SPEN: variants seen among roughly 807,000 people sequenced by gnomAD.
SPEN encodes spen family transcriptional repressor.
A neutral mutation model predicts 269.9 loss-of-function variants in SPEN; 18 were observed. That is an observed-to-expected ratio of 0.07 (90% CI 0.05 to 0.10). The LOEUF (loss-of-function observed/expected upper bound fraction) is 0.10. Ranked by LOEUF, SPEN falls within the 10% of genes least tolerant of loss-of-function variation. The pLI is 1.00. For missense variants in SPEN, 3,822 were observed against 4,631.2 expected, an observed-to-expected ratio of 0.83 and a Z score of 5.07; for synonymous variants, 1,726 against 1,765.7, an observed-to-expected ratio of 0.98 and a Z score of 0.56.
chr1:15,874,233 G>A (rs1190532204), intron 2 of SPEN: 1 of 1,366,374 alleles, frequency 7.3e-7, no homozygotes, highest in African/African-American at 1.5e-5. Flanking sequence ...TGGTCACTAA[G>A]ATTTTTTTTT....
At chr1:15,870,696 C>T (rs1462899581) in intron 1 of SPEN, among the ~76,000 whole-genome samples, 5 of 152,168 alleles carry the variant, frequency 3.3e-5, no homozygotes, top group Non-Finnish European at 7.4e-5. Flanking sequence ...TAAAATTAAT[C>T]ATTGCATTCC....
At chr1:15,861,166 T>G (rs939107967) in intron 1 of SPEN, among the ~76,000 whole-genome samples, 1 of 149,662 alleles carries the variant, frequency 6.7e-6, no homozygotes, top group African/African-American at 2.5e-5. Flanking sequence ...GGAATCTCAC[T>G]CTGTCACCTA....
At chr1:15,901,884 C>T (rs992101647) in intron 3 of SPEN, among the ~76,000 whole-genome samples, 35 of 148,318 alleles carry the variant, frequency 2.4e-4, no homozygotes, top group Non-Finnish European at 2.4e-4. Flanking sequence ...GTGAGAATGA[C>T]GTTTTATTTT....
Position 15,848,165 on chromosome 1 carries a change from GC to G in SPEN, c.83+18del. ...CATTTCAAACGGTGAGTGACACGAG[GC>G]CCGCGGCCGCGCTCGCTCCTCGGGC... On this transcript the variant is annotated intron_variant, in intron 1 of 14. Transcript: ENST00000375759. This position sits in a 1 kb window ranked among gnomAD's most constrained non-coding sequence, Gnocchi z 5.1. 1 of 1,444,070 alleles carries G rather than the reference GC, an allele frequency of 6.9e-7. No individual in the cohort carries two copies. The highest frequency in any genetic ancestry group is 9.2e-7 in the Non-Finnish European group (1 of 1,083,060). The allele number at this position is 1,444,070 out of a possible 1,614,324, so 89.5% of individuals were successfully genotyped here.
intron 6 of SPEN, among the ~76,000 whole-genome samples, chr1:15,917,415 G>GTT (rs952633093): frequency 5.2e-4 from 79 of 152,206 alleles, no homozygotes; most frequent in African/African-American, 1.7e-3. Flanking sequence ...TTTAGACAGA[G>GTT]TTTCACTCTT....
At chr1:15,888,175 C>G (rs1201327542) in intron 3 of SPEN, among the ~76,000 whole-genome samples, 1 of 150,958 alleles carries the variant, frequency 6.6e-6, no homozygotes, top group Non-Finnish European at 1.5e-5. Context: ...GTGGTGCTGT[C>G]TCAGCTCACT....
At chr1:15,909,567 C>T in intron 4 of SPEN, 86 bp downstream of exon 4, 1 of 1,329,710 alleles carries the variant, frequency 7.5e-7, no homozygotes, top group Non-Finnish European at 1.0e-6. Flanking sequence ...TAACTTTGGG[C>T]ATAAAATTAT....
rs1259371284 is a variant in SPEN at position 15,934,610 on chromosome 1, G to T, written c.8370G>T (p.Met2790Ile). ...NENSRFHPGS[M>I]PVIDDRPADA... ...ACAGTCGGTTCCACCCAGGGTCCATGCCTGTGATCGACGATCGTCCGGCAG... is the reference window on the plus strand; with the variant it reads ...ACAGTCGGTTCCACCCAGGGTCCATTCCTGTGATCGACGATCGTCCGGCAG... The change falls in exon 11 of 15, where the codon ATG becomes ATT. Residue 2790 changes from methionine to isoleucine, a missense_variant. Around this residue, in one of 16 missense-constraint regions of SPEN, gnomAD observed 329 missense variants for 431.2 expected, o/e 0.76. Coordinates refer to ENST00000375759, the MANE Select transcript of SPEN (RefSeq NM_015001.3). This position sits in a 1 kb window ranked among gnomAD's most constrained non-coding sequence, Gnocchi z 9.2. The T allele has an allele frequency of 1.2e-5, 19 of 1,613,880 alleles. No homozygotes were observed. Among genetic ancestry groups the T allele is most frequent in the Non-Finnish European group, 1.4e-5 (17 of 1,179,886 alleles).
In SPEN at chr1:15,932,127, G is replaced by A; in HGVS notation, c.5887G>A (p.Glu1963Lys). 2 of 1,613,802 alleles carry A rather than the reference G, an allele frequency of 1.2e-6. No individual in the cohort carries two copies. Among genetic ancestry groups the A allele is most frequent in the Non-Finnish European group, 1.7e-6 (2 of 1,179,970 alleles). Residue 1963 changes from glutamate (E) to lysine (K), a missense_variant, in exon 11 of 15, where the codon GAG becomes AAG. Physicochemically the swap from Glu to Lys is moderately conservative, Grantham distance 56 (BLOSUM62 1). Coordinates refer to ENST00000375759, the MANE Select transcript of SPEN (RefSeq NM_015001.3). This position sits in a 1 kb window ranked among gnomAD's most constrained non-coding sequence, Gnocchi z 4.2. The part of the protein sequence containing the change: ...PPKTRRRADE[E>K]EENEAKEPAE... ...AAAGACACGCCGGCGAGCCGATGAA[G>A]AGGAGGAGAACGAGGCCAAGGAACC...
Position 15,934,356 on chromosome 1 carries a change from G to A in SPEN, c.8116G>A (p.Val2706Ile), listed in dbSNP as rs1313350831. 16 of 1,613,498 alleles carry A rather than the reference G, an allele frequency of 9.9e-6. No individual in the cohort carries two copies. The highest frequency in any genetic ancestry group is 8.3e-5 in the Admixed American group (5 of 60,010). The change falls in exon 11 of 15, where the codon GTT becomes ATT. Residue 2706 changes from valine (V) to isoleucine (I), a missense_variant. Physicochemically the swap from Val to Ile is conservative, Grantham distance 29. This residue lies in a region of SPEN where 329 missense variants were observed against 431.2 expected (regional missense o/e 0.76). Coordinates refer to ENST00000375759, the MANE Select transcript of SPEN (RefSeq NM_015001.3). This position sits in a 1 kb window ranked among gnomAD's most constrained non-coding sequence, Gnocchi z 9.2. ...PVNVLTGPVN[V>I]LTTPVNATVG... ...GAATGTTCTTACGGGGCCAGTGAAT[G>A]TTCTCACCACTCCAGTGAACGCCAC...
rs536262307 is a variant in SPEN at position 15,874,444 on chromosome 1, C to T, written c.404+1308C>T. ...TATTAGCCCCTCTCCTAACCCAAGTCAAACTCTCTTTTTTTCCCCACTAAC... is the reference window on the plus strand; with the variant it reads ...TATTAGCCCCTCTCCTAACCCAAGTTAAACTCTCTTTTTTTCCCCACTAAC... On this transcript the variant is annotated intron_variant, in intron 2 of 14. Coordinates refer to ENST00000375759, the MANE Select transcript of SPEN (RefSeq NM_015001.3). The T allele has an allele frequency of 1.4e-5, 18 of 1,275,906 alleles. No individual in the cohort carries two copies. The South Asian group carries it at 2.0e-4, about 14-fold the overall frequency. The allele number at this position is 1,275,906 out of a possible 1,614,324, so 79.0% of individuals were successfully genotyped here. A position where few individuals can be genotyped will look rare whatever the true frequency, so the allele number is the denominator to read the frequency against.
chr1:15,857,691 T>G (rs1284336137), intron 1 of SPEN, among the ~76,000 whole-genome samples: 1 of 151,282 alleles, frequency 6.6e-6, no homozygotes, highest in Non-Finnish European at 1.5e-5. Flanking sequence ...AAAAAATTGT[T>G]TTTTTTCTAC....
chr1:15,896,286 C>T (rs2070841964), intron 3 of SPEN, among the ~76,000 whole-genome samples: 1 of 148,628 alleles, frequency 6.7e-6, no homozygotes, highest in Admixed American at 6.9e-5. Flanking sequence ...ATCTCCGCCT[C>T]CCAGATTCAA....
chr1:15,893,777 C>T (rs1056875622), intron 3 of SPEN, among the ~76,000 whole-genome samples: 4 of 152,066 alleles, frequency 2.6e-5, no homozygotes, highest in East Asian at 3.9e-4. Flanking sequence ...TGGCTCCCGC[C>T]GTAATCCCAG....
rs2070827411 is a variant in SPEN, at chr1:15,895,029, TCTC to T, written c.882-14289_882-14287del. Among the ~76,000 whole-genome samples the T allele has an allele frequency of 2.6e-5, 4 of 152,198 alleles. No individual in the cohort carries two copies. In the South Asian group the frequency reaches 8.3e-4, roughly 32 times the overall value. On this transcript the variant is annotated intron_variant, in intron 3 of 14. Transcript: ENST00000375759. ...ACTCTGCCTCCCGGGTTCAAGCAAT[TCTC>T]CTGTCTCAGCCTCCTGAGTAGCTGG... is the stretch of plus-strand genomic sequence containing the variant.
At chr1:15,869,673 C>T (rs2070553785) in intron 1 of SPEN, among the ~76,000 whole-genome samples, 1 of 151,854 alleles carries the variant, frequency 6.6e-6, no homozygotes, top group African/African-American at 2.4e-5. Context: ...CCATGACTCA[C>T]TCATGGCCAT....
chr1:15,877,738 CTTTTTTTTTTTT>C (rs777782248), intron 3 of SPEN, among the ~76,000 whole-genome samples: 13 of 106,836 alleles, frequency 1.2e-4, no homozygotes, highest in South Asian at 3.1e-4. Context: ...TCAGCTTTCC[CTTTTTTTTTTTT>C]TTTTTTTTTT....
intron 5 of SPEN, among the ~76,000 whole-genome samples, chr1:15,914,958 C>T (rs563379200): frequency 2.6e-5 from 4 of 152,158 alleles, no homozygotes; most frequent in Non-Finnish European, 4.4e-5. Flanking sequence ...CTAAAATTTC[C>T]GTATTTAGAC....
At position 15,937,136 on chromosome 1, in the gene SPEN, T is replaced by C. The variant is rs770221380; in HGVS notation, c.10027-27T>C. 7.5e-6 allele frequency: 12 copies of C among 1,597,258 alleles called. No homozygotes were observed. The East Asian group carries it at 2.0e-4, about 27-fold the overall frequency. On this transcript the variant is annotated intron_variant, in intron 11 of 14. Transcript: ENST00000375759. This position sits in a 1 kb window ranked among gnomAD's most constrained non-coding sequence, Gnocchi z 5.7. ...GCTTGTGCACAACAGACTGACTCTG[T>C]CCCTTTGCCTTCCTTCCCTACACCA...
Sources: gnomAD v4.1 joint callset for allele counts (sites outside exome capture counted in the v4.1 genomes callset) on GRCh38, gnomAD v4.1.1 for gene constraint, gnomAD v4.1.1 regional missense constraint, Gnocchi (gnomAD v3.1) non-coding constraint, MANE v1.5 for transcripts, NCBI Gene and HGNC (gene_info 2026-07-23, HGNC 2026-07-21) for gene names.